The following MTSS1 variants were observed in gnomAD, a reference collection of about 807,000 sequenced individuals.
MTSS1 encodes the protein protein MTSS 1.
In MTSS1, 18 loss-of-function variants were observed where a neutral mutation model predicts 79.0. The ratio of observed to expected loss-of-function variants is 0.23; its 90% CI spans 0.16 to 0.34. The LOEUF (loss-of-function observed/expected upper bound fraction) is 0.34, where lower values mean the gene tolerates loss of function less well. Ranked by LOEUF, MTSS1 falls within the 10% of genes least tolerant of loss-of-function variation. MTSS1 has a pLI of 1.00. For missense variants in MTSS1, 815 were observed against 986.2 expected (o/e 0.83, Z 2.33); for synonymous variants, 341 against 368.6 (o/e 0.93, Z 0.86).
intron 3 of MTSS1, among the ~76,000 whole-genome samples, chr8:124,607,654 A>C (rs544274389): frequency 6.6e-6 from 1 of 152,144 alleles, no homozygotes; most frequent in African/African-American, 2.4e-5. Flanking sequence ...GCCTCCATCT[A>C]TTCAATGGAA....
intron 3 of MTSS1, among the ~76,000 whole-genome samples, chr8:124,687,147 G>A (rs903938135): frequency 2.0e-5 from 3 of 152,090 alleles, no homozygotes; most frequent in African/African-American, 7.2e-5. Context: ...AAACACAAAC[G>A]CCAGAGCGAT....
intron 3 of MTSS1, among the ~76,000 whole-genome samples, chr8:124,668,883 A>G (rs932878475): frequency 1.3e-5 from 2 of 152,206 alleles, no homozygotes; most frequent in African/African-American, 4.8e-5. Flanking sequence ...ACCTTCTTGT[A>G]CACAGGGGCC....
intron 3 of MTSS1, among the ~76,000 whole-genome samples, chr8:124,668,306 A>G (rs563047206): frequency 6.6e-6 from 1 of 152,164 alleles, no homozygotes; most frequent in South Asian, 2.1e-4. Context: ...AACCCTACCA[A>G]TGTGTGTTCA....
chr8:124,701,526 T>A (rs1205954055), intron 2 of MTSS1, among the ~76,000 whole-genome samples: 1 of 152,212 alleles, frequency 6.6e-6, no homozygotes. Flanking sequence ...CCTGGAAAAA[T>A]TAGCTTTATC....
In MTSS1 at chr8:124,558,051, C is replaced by A. The variant is rs74514108; in HGVS notation, c.1036-176G>T. 8.8e-6 allele frequency: 5 copies of A among 567,632 alleles called. No individual in the cohort carries two copies. The East Asian group carries it at 1.4e-4, about 16-fold the overall frequency. The allele number at this position is 567,632 out of a possible 1,614,324, so 35.2% of individuals were successfully genotyped here. A position where few individuals can be genotyped will look rare whatever the true frequency, so the allele number is the denominator to read the frequency against. On this transcript the variant is annotated intron_variant, in intron 10 of 13. Coordinates refer to ENST00000518547, the MANE Select transcript of MTSS1 (RefSeq NM_014751.6). ...GATCTGTGATGCAAGAGAAAAGAGCCGGGGTGCAAAGAATGCACATGAGTT... is the reference window on the plus strand; with the variant it reads ...GATCTGTGATGCAAGAGAAAAGAGCAGGGGTGCAAAGAATGCACATGAGTT...
At chr8:124,640,593 G>T (rs767156974) in intron 3 of MTSS1, among the ~76,000 whole-genome samples, 5 of 152,164 alleles carry the variant, frequency 3.3e-5, no homozygotes, top group Non-Finnish European at 7.4e-5. Flanking sequence ...ACCCAGGCTG[G>T]AGTGCAATGG....
chr8:124,623,386 A>C (rs1259834477), intron 3 of MTSS1, among the ~76,000 whole-genome samples: 2 of 152,212 alleles, frequency 1.3e-5, no homozygotes, highest in Non-Finnish European at 2.9e-5. Flanking sequence ...TTATTGGAAA[A>C]TGTGGTTAGG....
In MTSS1 at chr8:124,563,973, A is replaced by G. The variant is rs373504576; in HGVS notation, c.825-981T>C. On this transcript the variant is annotated intron_variant, in intron 9 of 13. Coordinates refer to ENST00000518547, the MANE Select transcript of MTSS1 (RefSeq NM_014751.6). ...CGGTGAAACCCCGCCTCTGATAAAA[A>G]TACAAAACTTAGCCAGGCATGGTGG... Among the ~76,000 whole-genome samples the G allele has an allele frequency of 1.4e-4, 22 of 152,278 alleles. No individual in the cohort carries two copies. In the South Asian group the frequency reaches 4.4e-3, roughly 30 times the overall value.
chr8:124,708,945 A>G (rs1296143865), intron 1 of MTSS1, among the ~76,000 whole-genome samples: 2 of 152,198 alleles, frequency 1.3e-5, no homozygotes, highest in Admixed American at 6.5e-5. Context: ...AAAAAAAAAA[A>G]AAGTGAGTAA....
chr8:124,721,294 ATCGC>A (rs1832880309), intron 1 of MTSS1, among the ~76,000 whole-genome samples: 1 of 151,224 alleles, frequency 6.6e-6, no homozygotes. Flanking sequence ...AATTTCCATC[ATCGC>A]AAAAAAAAAA....
chr8:124,626,374 C>A (rs897979026), intron 3 of MTSS1, among the ~76,000 whole-genome samples: 4 of 152,138 alleles, frequency 2.6e-5, no homozygotes, highest in African/African-American at 9.7e-5. Flanking sequence ...TGGTGGCACG[C>A]ATCTGTAATC....
intron 6 of MTSS1, among the ~76,000 whole-genome samples, chr8:124,570,658 G>A (rs1827565288): frequency 1.3e-5 from 2 of 152,056 alleles, no homozygotes; most frequent in Admixed American, 6.6e-5. Flanking sequence ...GAGGAGAAGG[G>A]GGAACTACTA....
chr8:124,652,161 C>A (rs1343962620), intron 3 of MTSS1, among the ~76,000 whole-genome samples: 1 of 152,166 alleles, frequency 6.6e-6, no homozygotes, highest in African/African-American at 2.4e-5. Context: ...AACTTCTTAG[C>A]CAGTAGAGAA....
chr8:124,654,587 T>C (rs1482750894), intron 3 of MTSS1, among the ~76,000 whole-genome samples: 1 of 152,128 alleles, frequency 6.6e-6, no homozygotes, highest in Non-Finnish European at 1.5e-5. Flanking sequence ...TGAAGTATGA[T>C]GTATATCCTT....
intron 3 of MTSS1, among the ~76,000 whole-genome samples, chr8:124,648,718 C>A (rs1163008987): frequency 6.6e-6 from 1 of 151,888 alleles, no homozygotes; most frequent in Admixed American, 6.6e-5. Context: ...AGCCCCCCCC[C>A]AGATACTGAC....
chr8:124,649,476 C>A (rs75892523), intron 3 of MTSS1, among the ~76,000 whole-genome samples: 10,960 of 152,106 alleles, frequency 0.072, 423 homozygotes, highest in Middle Eastern at 0.095. Flanking sequence ...ATGACCCTGG[C>A]GAGCCTTGGC....
At chr8:124,670,046 C>G (rs575366410) in intron 3 of MTSS1, among the ~76,000 whole-genome samples, 1 of 152,298 alleles carries the variant, frequency 6.6e-6, no homozygotes, top group Admixed American at 6.5e-5. Context: ...ATGGAGCCTA[C>G]ATGCTAGTGG....
intron 3 of MTSS1, among the ~76,000 whole-genome samples, chr8:124,680,341 C>T (rs1336489908): frequency 4.6e-5 from 7 of 152,174 alleles, no homozygotes; most frequent in Non-Finnish European, 8.8e-5. Flanking sequence ...AGGAGTCATC[C>T]GAACGGGGTC....
At position 124,727,961 on chromosome 8, in the gene MTSS1, C is replaced by T; in HGVS notation, c.-6G>A. 1 of 1,608,948 alleles carries T rather than the reference C, an allele frequency of 6.2e-7. No homozygotes were observed. Among genetic ancestry groups the T allele is most frequent in the Admixed American group, 1.7e-5 (1 of 59,510 alleles). On this transcript the variant is annotated 5_prime_UTR_variant, in exon 1 of 14. Transcript: ENST00000518547. The surrounding 1 kb of genome is among the most constrained non-coding windows in gnomAD (Gnocchi z 4.7). ...TTCTCAATCACAGCCTCCATTTTCCCGGCTCCGGCAGGGCGAGGGCACACA... is the reference window on the plus strand; with the variant it reads ...TTCTCAATCACAGCCTCCATTTTCCTGGCTCCGGCAGGGCGAGGGCACACA...
Sources: gnomAD v4.1 joint callset for allele counts (sites outside exome capture counted in the v4.1 genomes callset) on GRCh38, gnomAD v4.1.1 for gene constraint, Gnocchi (gnomAD v3.1) non-coding constraint, MANE v1.5 for transcripts, NCBI Gene and HGNC (gene_info 2026-07-23, HGNC 2026-07-21) for gene names.